PTPRE: variants seen among roughly 807,000 people sequenced by gnomAD.
The protein encoded by PTPRE is protein tyrosine phosphatase receptor type E, also known as receptor-type tyrosine-protein phosphatase epsilon.
A neutral mutation model predicts 102.0 loss-of-function variants in PTPRE; 51 were observed. The ratio of observed to expected loss-of-function variants is 0.50; its 90% CI spans 0.40 to 0.63. The LOEUF is 0.63. PTPRE is among the 30% of genes least tolerant of loss of function. The pLI is 0.00. For missense variants in PTPRE, 752 were observed against 915.1 expected (o/e 0.82, Z 2.30); for synonymous variants, 345 against 348.2 (o/e 0.99, Z 0.10).
At chr10:128,010,678 G>T (rs1298836185) in intron 2 of PTPRE, among the ~76,000 whole-genome samples, 1 of 151,902 alleles carries the variant, frequency 6.6e-6, no homozygotes, top group Non-Finnish European at 1.5e-5. Flanking sequence ...TACAAGCTCC[G>T]CCTCCCGGGT....
chr10:128,069,643 T>C (rs1167689547), intron 12 of PTPRE, 49 bp from the exon 13 acceptor site: 3 of 1,609,470 alleles, frequency 1.9e-6, no homozygotes. Context: ...TTTCATTTAC[T>C]TCGGGAGGAG....
chr10:128,015,837 C>T (rs1054084415), intron 2 of PTPRE, among the ~76,000 whole-genome samples: 3 of 152,186 alleles, frequency 2.0e-5, no homozygotes, highest in African/African-American at 7.2e-5. Context: ...AAGGGGAGAG[C>T]TGGAGAGCAG....
At chr10:127,962,276 G>A (rs1010790480) in intron 1 of PTPRE, among the ~76,000 whole-genome samples, 5 of 152,122 alleles carry the variant, frequency 3.3e-5, no homozygotes, top group African/African-American at 7.2e-5. Flanking sequence ...CTGAACCTGC[G>A]GGAAGGCTGG....
intron 2 of PTPRE, among the ~76,000 whole-genome samples, chr10:128,027,795 G>T (rs1385954411): frequency 6.6e-6 from 1 of 152,218 alleles, no homozygotes; most frequent in African/African-American, 2.4e-5. Context: ...TTTGCCAAAA[G>T]ATCCTGGATA....
At chr10:128,022,517 A>G (rs1845979085) in intron 2 of PTPRE, among the ~76,000 whole-genome samples, 1 of 152,192 alleles carries the variant, frequency 6.6e-6, no homozygotes, top group African/African-American at 2.4e-5. Flanking sequence ...CCCCAGTGAG[A>G]GGGAGGCACA....
chr10:128,034,062 G>A (rs1810454219), intron 2 of PTPRE, among the ~76,000 whole-genome samples: 1 of 152,156 alleles, frequency 6.6e-6, no homozygotes, highest in African/African-American at 2.4e-5. Flanking sequence ...CAAATTCCTG[G>A]TAATTAGGCT....
At position 127,927,196 on chromosome 10, in the gene PTPRE, C is replaced by CG. The variant is rs1847092744; in HGVS notation, c.-31+19892dup. Among the ~76,000 whole-genome samples, 8 of 152,000 alleles carry CG rather than the reference C, an allele frequency of 5.3e-5. No individual in the cohort carries two copies. In the South Asian group the frequency reaches 1.7e-3, roughly 31 times the overall value. ...GTACACTGGATGCCCCCCACCCCCCCGGGGGTTGGGTTCTCGCTCACCATT... is the reference window on the plus strand; with the variant it reads ...GTACACTGGATGCCCCCCACCCCCCCGGGGGGTTGGGTTCTCGCTCACCATT... On this transcript the variant is annotated intron_variant, in intron 1 of 20. Transcript: ENST00000254667.
At position 128,037,881 on chromosome 10, in the gene PTPRE, T is replaced by A. The variant is rs533510525; in HGVS notation, c.-7-2994T>A. On this transcript the variant is annotated intron_variant, in intron 2 of 20. Transcript: ENST00000254667. Reference sequence around the variant, plus strand: ...ATCTCGGCTCACTACAAGCTCCGCCTCCTGGGTTCAAGCAATTCTCTGCCT... The same window carrying A: ...ATCTCGGCTCACTACAAGCTCCGCCACCTGGGTTCAAGCAATTCTCTGCCT... 3.7e-4 allele frequency among the ~76,000 whole-genome samples: 56 copies of A among 151,920 alleles called. 1 individual carries two copies. The highest frequency in any genetic ancestry group is 1.3e-3 in the African/African-American group (55 of 41,446).
chr10:128,068,306 G>A lies in PTPRE; in HGVS notation c.1007+20G>A, dbSNP rs1850458050. 2 of 1,601,240 alleles carry A rather than the reference G, an allele frequency of 1.2e-6. No homozygotes were observed. Among genetic ancestry groups the A allele is most frequent in the Middle Eastern group, 1.7e-4 (1 of 5,994 alleles). Reference sequence around the variant, plus strand: ...CTGTAGGTACGCTGTGGGGGCCACGGGGCGGGACCCTCAAGGGCAGGCCAC... The same window carrying A: ...CTGTAGGTACGCTGTGGGGGCCACGAGGCGGGACCCTCAAGGGCAGGCCAC... On this transcript the variant is annotated intron_variant, in intron 12 of 20. Transcript: ENST00000254667.
intron 1 of PTPRE, among the ~76,000 whole-genome samples, chr10:127,970,033 T>G (rs574597555): frequency 2.0e-5 from 3 of 152,044 alleles, no homozygotes; most frequent in Non-Finnish European, 4.4e-5. Flanking sequence ...AGCTGAATGT[T>G]CAAAATGTTG....
intron 1 of PTPRE, among the ~76,000 whole-genome samples, chr10:127,929,849 G>T (rs1311131134): frequency 6.6e-6 from 1 of 152,066 alleles, no homozygotes; most frequent in Admixed American, 6.6e-5. Flanking sequence ...TTGAGGTCGG[G>T]AGTTGGAGAC....
At chr10:127,916,345 T>C (rs1341962922) in intron 1 of PTPRE, among the ~76,000 whole-genome samples, 3 of 150,640 alleles carry the variant, frequency 2.0e-5, no homozygotes, top group Admixed American at 2.0e-4. Context: ...CCCCCTTCAC[T>C]TCACTGTGCA....
Position 127,931,796 on chromosome 10 carries a change from C to T in PTPRE, c.-31+24487C>T, listed in dbSNP as rs543745248. Among the ~76,000 whole-genome samples the T allele has an allele frequency of 4.6e-5, 7 of 152,286 alleles. No individual in the cohort carries two copies. In the East Asian group the frequency reaches 1.3e-3, roughly 29 times the overall value. On this transcript the variant is annotated intron_variant, in intron 1 of 20. Transcript: ENST00000254667. ...GTGTATTTTATCATCATTTATCATG[C>T]ACATTTTATTACTGTTTATCTCCAC...
chr10:127,915,508 A>G (rs1846142873), intron 1 of PTPRE, among the ~76,000 whole-genome samples: 1 of 152,214 alleles, frequency 6.6e-6, no homozygotes, highest in Non-Finnish European at 1.5e-5. Flanking sequence ...CTTTTTGCCA[A>G]GGTTGCAAAC....
rs187176681 is a variant in PTPRE at position 127,978,597 on chromosome 10, A to G, written c.-30-3677A>G. 1.1e-3 allele frequency among the ~76,000 whole-genome samples: 163 copies of G among 152,266 alleles called. 1 individual carries two copies. The highest frequency in any genetic ancestry group is 3.6e-3 in the African/African-American group (151 of 41,560). On this transcript the variant is annotated intron_variant, in intron 1 of 20. Transcript: ENST00000254667. ...AGACAAACATACATTGCAATGTAGG[A>G]TGGCTTCCTCCGGGAGGCCTAGCCA...
intron 9 of PTPRE, 22 bp downstream of exon 9, chr10:128,061,737 C>A: frequency 1.3e-6 from 2 of 1,575,524 alleles, no homozygotes; most frequent in Non-Finnish European, 1.7e-6. Context: ...ATTAATTTCT[C>A]AACGTATTTT....
chr10:127,957,055 A>G (rs7071320), intron 1 of PTPRE, among the ~76,000 whole-genome samples: 3,669 of 152,248 alleles, frequency 0.024, 167 homozygotes, highest in African/African-American at 0.084. Context: ...TGTCTTCTGC[A>G]GAGCAGGAAG....
At chr10:128,072,444 G>A (rs1158560162) in intron 16 of PTPRE, 3 of 416,868 alleles carry the variant, frequency 7.2e-6, no homozygotes, top group Non-Finnish European at 1.3e-5. Context: ...CTTGGGGTCA[G>A]GAGTTTGAAA....
intron 11 of PTPRE, among the ~76,000 whole-genome samples, chr10:128,067,531 TACAC>T (rs1179416148): frequency 1.3e-5 from 2 of 151,332 alleles, no homozygotes; most frequent in Admixed American, 6.6e-5. Context: ...CATGCACACA[TACAC>T]ATGCATACAT....
Sources: allele counts gnomAD v4.1 joint callset (sites outside exome capture counted in the v4.1 genomes callset), GRCh38; gene constraint gnomAD v4.1.1; transcripts MANE v1.5; gene names NCBI Gene and HGNC (gene_info 2026-07-23, HGNC 2026-07-21).